PTPRD: variants seen among roughly 807,000 people sequenced by gnomAD.
The protein encoded by PTPRD is receptor-type tyrosine-protein phosphatase delta.
Under a neutral mutation model 214.5 loss-of-function variants are expected in PTPRD, and 34 were observed. The observed-to-expected ratio is 0.16, with a 90% confidence interval of 0.12 to 0.21. The LOEUF (loss-of-function observed/expected upper bound fraction) is 0.21, where lower values mean the gene tolerates loss of function less well. PTPRD is among the 10% of genes least tolerant of loss of function. PTPRD has a pLI of 1.00. For synonymous variants in PTPRD, 1,128 were observed against 845.7 expected, an observed-to-expected ratio of 1.33 and a Z score of -5.79; for missense variants, 2,545 against 2,398.7, an observed-to-expected ratio of 1.06 and a Z score of -1.27.
intron 2 of PTPRD, among the ~76,000 whole-genome samples, chr9:10,343,895 T>C (rs563120220): frequency 6.6e-6 from 1 of 151,942 alleles, no homozygotes. Flanking sequence ...TCTTCGTAGA[T>C]TCTGGATATT....
At position 8,437,332 on chromosome 9, in the gene PTPRD, C is replaced by G. The variant is rs1395722260; in HGVS notation, c.3989-643G>C. 6 of 1,046,974 alleles carry G rather than the reference C, an allele frequency of 5.7e-6. No individual in the cohort carries two copies. In the East Asian group the frequency reaches 1.6e-4, roughly 28 times the overall value. 64.9% of individuals were successfully genotyped at this position (1,046,974 alleles called of 1,614,324 possible). The stretch of plus-strand genomic sequence containing the variant: ...AAGCCTGATATATTTTTTAAAAGGA[C>G]TAATTAAAATGCTGCAAGTTTTTAC... On this transcript the variant is annotated intron_variant, in intron 34 of 45. Transcript: ENST00000381196.
chr9:9,573,612 T>A (rs1387874398), intron 8 of PTPRD, among the ~76,000 whole-genome samples: 1 of 151,784 alleles, frequency 6.6e-6, no homozygotes, highest in Non-Finnish European at 1.5e-5. Flanking sequence ...AAAAGTTCAT[T>A]CAGGTATATT....
intron 5 of PTPRD, among the ~76,000 whole-genome samples, chr9:9,889,368 A>G (rs1389096368): frequency 6.6e-6 from 1 of 151,938 alleles, no homozygotes; most frequent in Non-Finnish European, 1.5e-5. Flanking sequence ...ATCATGGCAT[A>G]CATAATATAT....
At chr9:10,292,443 C>T (rs1409449632) in intron 3 of PTPRD, among the ~76,000 whole-genome samples, 1 of 151,960 alleles carries the variant, frequency 6.6e-6, no homozygotes, top group African/African-American at 2.4e-5. Context: ...CTTCTCATTT[C>T]TCTTGGAATA....
At chr9:10,457,751 T>C (rs762234391) in intron 2 of PTPRD, among the ~76,000 whole-genome samples, 13 of 152,066 alleles carry the variant, frequency 8.5e-5, no homozygotes, top group Admixed American at 3.3e-4. Context: ...AAACACACTG[T>C]CAGTCAATAG....
intron 3 of PTPRD, among the ~76,000 whole-genome samples, chr9:10,215,219 C>A (rs1432173449): frequency 1.3e-5 from 2 of 151,346 alleles, no homozygotes; most frequent in Non-Finnish European, 2.9e-5. Flanking sequence ...GTCAGACCTA[C>A]ACAGACTGAA....
intron 10 of PTPRD, among the ~76,000 whole-genome samples, chr9:9,022,239 G>A (rs751261807): frequency 1.6e-4 from 25 of 151,978 alleles, no homozygotes; most frequent in Non-Finnish European, 2.4e-4. Flanking sequence ...TGCATTTACC[G>A]TAGCCTACGT....
chr9:8,838,225 A>G (rs1566503730), intron 11 of PTPRD, among the ~76,000 whole-genome samples: 1 of 151,936 alleles, frequency 6.6e-6, no homozygotes, highest in Non-Finnish European at 1.5e-5. Flanking sequence ...AACAGATCTT[A>G]AAACACATAA....
chr9:8,826,904 T>C (rs2154528476), intron 11 of PTPRD, among the ~76,000 whole-genome samples: 1 of 152,262 alleles, frequency 6.6e-6, no homozygotes, highest in African/African-American at 2.4e-5. Flanking sequence ...AAAAAGCTTA[T>C]GGGATACCCA....
chr9:10,143,239 C>T (rs905064532), intron 3 of PTPRD, among the ~76,000 whole-genome samples: 6 of 151,832 alleles, frequency 4.0e-5, no homozygotes, highest in Non-Finnish European at 5.9e-5. Context: ...CTAATCTGCA[C>T]ATTGTGCACA....
At chr9:10,529,283 G>C (rs550020290) in intron 2 of PTPRD, among the ~76,000 whole-genome samples, 123 of 152,096 alleles carry the variant, frequency 8.1e-4, no homozygotes, top group Admixed American at 1.8e-3. Flanking sequence ...TGTTTATTGT[G>C]GCACTGTTCA....
intron 4 of PTPRD, among the ~76,000 whole-genome samples, chr9:9,946,750 C>T (rs1279748981): frequency 6.6e-6 from 1 of 151,984 alleles, no homozygotes; most frequent in African/African-American, 2.4e-5. Context: ...CATCTAAGCT[C>T]TAAAAGCACA....
rs2097733611 is a variant in PTPRD at position 8,848,021 on chromosome 9, T to C, written c.-103-114075A>G. On this transcript the variant is annotated intron_variant, in intron 11 of 45. Transcript: ENST00000381196. The stretch of plus-strand genomic sequence containing the variant: ...TCTGATTTCTTACCTGTTGGGCAGC[T>C]ATGAAAATGGCAGCCTTTTTGATTT... Among the ~76,000 whole-genome samples, 5 of 152,104 alleles carry C rather than the reference T, an allele frequency of 3.3e-5. No individual in the cohort carries two copies. In the South Asian group the frequency reaches 1.0e-3, roughly 32 times the overall value.
chr9:8,824,420 T>C (rs2154527740), intron 11 of PTPRD, among the ~76,000 whole-genome samples: 1 of 152,268 alleles, frequency 6.6e-6, no homozygotes, highest in East Asian at 1.9e-4. Context: ...GCATTCACGG[T>C]AGAGAAGAGC....
rs565720789 is a variant in PTPRD, at chr9:8,454,918, C to T, written c.3876-5081G>A. Reference sequence around the variant, plus strand: ...AATTAATTATATCCCAGGAAGTGTTCGACAGTGGAGAGATAATTTGATTTT... The same window carrying T: ...AATTAATTATATCCCAGGAAGTGTTTGACAGTGGAGAGATAATTTGATTTT... On this transcript the variant is annotated intron_variant, in intron 33 of 45. Coordinates refer to ENST00000381196, the MANE Select transcript of PTPRD (RefSeq NM_002839.4). Among the ~76,000 whole-genome samples the T allele has an allele frequency of 1.7e-4, 25 of 151,290 alleles. No individual in the cohort carries two copies. In the East Asian group the frequency reaches 3.1e-3, roughly 19 times the overall value.
intron 35 of PTPRD, among the ~76,000 whole-genome samples, chr9:8,408,739 C>G (rs1233273897): frequency 3.3e-5 from 5 of 152,080 alleles, no homozygotes; most frequent in African/African-American, 1.2e-4. Context: ...ACATTGCTTC[C>G]CTGCCTGCAC....
intron 11 of PTPRD, among the ~76,000 whole-genome samples, chr9:8,933,223 A>G (rs1379381503): frequency 6.6e-6 from 1 of 151,514 alleles, no homozygotes; most frequent in African/African-American, 2.4e-5. Context: ...TTCCAATGAG[A>G]TGAGCAGGGT....
Position 10,562,420 on chromosome 9 carries a change from T to C in PTPRD, c.-600+49978A>G, listed in dbSNP as rs558793805. Among the ~76,000 whole-genome samples, 12 of 152,108 alleles carry C rather than the reference T, an allele frequency of 7.9e-5. No homozygotes were observed. In the South Asian group the frequency reaches 2.5e-3, roughly 32 times the overall value. ...CTCTTTGAGAAAACTGTTCTGTATG[T>C]TTGTCTGTTTTGTTAAGGGAAGAGC... is the stretch of plus-strand genomic sequence containing the variant. On this transcript the variant is annotated intron_variant, in intron 2 of 45. Transcript: ENST00000381196.
intron 4 of PTPRD, among the ~76,000 whole-genome samples, chr9:9,941,076 A>G (rs2091324734): frequency 6.6e-6 from 1 of 152,156 alleles, no homozygotes; most frequent in Non-Finnish European, 1.5e-5. Flanking sequence ...AGAAAAAGAA[A>G]ATTCCAAAAA....
Sources: gnomAD v4.1 joint callset for allele counts (sites outside exome capture counted in the v4.1 genomes callset) on GRCh38, gnomAD v4.1.1 for gene constraint, MANE v1.5 for transcripts, NCBI Gene and HGNC (gene_info 2026-07-23, HGNC 2026-07-21) for gene names.